The following MYO1D variants were observed in gnomAD, a reference collection of about 807,000 sequenced individuals.
The protein encoded by MYO1D is myosin ID.
MYO1D carries 83 observed loss-of-function variants against 122.0 expected under a neutral mutation model. The observed-to-expected ratio is 0.68, with a 90% CI of 0.57 to 0.82. MYO1D has a LOEUF of 0.82. MYO1D is among the 40% of genes least tolerant of loss of function. The pLI, the probability that MYO1D is intolerant of heterozygous loss-of-function variation, is 0.00. For synonymous variants in MYO1D, 464 were observed against 446.9 expected, an observed-to-expected ratio of 1.04 and a Z score of -0.48; for missense variants, 1,157 against 1,269.5, an observed-to-expected ratio of 0.91 and a Z score of 1.35.
intron 21 of MYO1D, among the ~76,000 whole-genome samples, chr17:32,511,855 C>T (rs1019048857): frequency 1.1e-4 from 17 of 152,266 alleles, no homozygotes; most frequent in African/African-American, 4.1e-4. Context: ...TTATTCAGCT[C>T]ACCATTATCA....
intron 16 of MYO1D, among the ~76,000 whole-genome samples, chr17:32,677,820 T>C (rs1256358315): frequency 6.6e-6 from 1 of 152,116 alleles, no homozygotes; most frequent in Non-Finnish European, 1.5e-5. Context: ...TAAACAGTTA[T>C]TTCTGTATGT....
At chr17:32,683,508 C>T (rs916511825) in intron 16 of MYO1D, among the ~76,000 whole-genome samples, 7 of 152,006 alleles carry the variant, frequency 4.6e-5, no homozygotes, top group African/African-American at 1.7e-4. Context: ...AATACCCTGC[C>T]GTGTGAGGTG....
At chr17:32,725,932 A>T (rs1401537890) in intron 14 of MYO1D, among the ~76,000 whole-genome samples, 1 of 152,266 alleles carries the variant, frequency 6.6e-6, no homozygotes, top group Non-Finnish European at 1.5e-5. Flanking sequence ...AATCCAGAAG[A>T]CAAAGGAACA....
intron 14 of MYO1D, among the ~76,000 whole-genome samples, chr17:32,729,806 C>A (rs2089616083): frequency 6.6e-6 from 1 of 152,054 alleles, no homozygotes; most frequent in Non-Finnish European, 1.5e-5. Flanking sequence ...AATAGCTAAA[C>A]CAGGGAGATA....
intron 21 of MYO1D, among the ~76,000 whole-genome samples, chr17:32,520,716 T>C (rs954528468): frequency 3.3e-5 from 5 of 152,236 alleles, no homozygotes; most frequent in African/African-American, 1.2e-4. Flanking sequence ...CTAGACATGA[T>C]GCTACGTCCA....
chr17:32,686,426 T>G (rs1189971089), intron 16 of MYO1D: 3 of 152,244 alleles, frequency 2.0e-5, no homozygotes, highest in African/African-American at 7.2e-5. Context: ...CCAGTGAAAC[T>G]GATTTCAAAC....
chr17:32,821,707 G>A (rs2090666981), intron 1 of MYO1D, among the ~76,000 whole-genome samples: 1 of 152,086 alleles, frequency 6.6e-6, no homozygotes, highest in South Asian at 2.1e-4. Flanking sequence ...TTTTTTCAGG[G>A]AAAAACTCCT....
intron 21 of MYO1D, among the ~76,000 whole-genome samples, chr17:32,507,232 C>T (rs1909530553): frequency 1.3e-5 from 2 of 149,364 alleles, no homozygotes; most frequent in South Asian, 4.2e-4. Flanking sequence ...GAGACCCTGT[C>T]TTTACAAAAA....
intron 21 of MYO1D, among the ~76,000 whole-genome samples, chr17:32,503,049 A>C (rs1025866721): frequency 1.3e-5 from 2 of 152,158 alleles, no homozygotes; most frequent in African/African-American, 4.8e-5. Context: ...CCTTTATCAA[A>C]TTACTTTCCT....
chr17:32,707,249 G>C (rs2089320844), intron 16 of MYO1D, among the ~76,000 whole-genome samples: 1 of 151,830 alleles, frequency 6.6e-6, no homozygotes, highest in African/African-American at 2.4e-5. Flanking sequence ...TCACAAGAGA[G>C]GCAATCCAAA....
rs530221767 is a variant in MYO1D at position 32,760,571 on chromosome 17, C to T, written c.1092G>A (p.Glu364=). The change falls in exon 9 of 22, where the codon GAG becomes GAA. Residue 364 remains glutamate, a synonymous_variant. Coordinates refer to ENST00000318217, the MANE Select transcript of MYO1D (RefSeq NM_015194.3). ...GGATTGTGGTGTCATAGTTCTTGAC[C>T]TCAATAATATCATTGATGCGAGTAA... ...WIVTRINDII[E]VKNYDTTIHG... is the part of the protein sequence containing the mutation. 34 of 1,613,452 alleles carry T rather than the reference C, an allele frequency of 2.1e-5. No homozygotes were observed. The highest frequency in any genetic ancestry group is 2.1e-4 in the South Asian group (19 of 91,014).
At chr17:32,686,964 A>AACACACACACACAC (rs57125657) in intron 16 of MYO1D, among the ~76,000 whole-genome samples, 87 of 145,524 alleles carry the variant, frequency 6.0e-4, no homozygotes, top group African/African-American at 2.1e-3. Flanking sequence ...CCTGTTTCAA[A>AACACACACACACAC]ACACACACAC....
At chr17:32,609,386 C>A (rs4795714) in intron 20 of MYO1D, among the ~76,000 whole-genome samples, 1 of 152,176 alleles carries the variant, frequency 6.6e-6, no homozygotes, top group African/African-American at 2.4e-5. Context: ...TAGGGACAGA[C>A]GTGCAGAAGA....
At chr17:32,525,940 A>G (rs897967903) in intron 21 of MYO1D, among the ~76,000 whole-genome samples, 2 of 151,810 alleles carry the variant, frequency 1.3e-5, no homozygotes, top group African/African-American at 4.8e-5. Context: ...ACCCTCATAC[A>G]CCTGTTTGCC....
chr17:32,851,295 C>G (rs760806690), intron 1 of MYO1D, among the ~76,000 whole-genome samples: 1 of 152,172 alleles, frequency 6.6e-6, no homozygotes, highest in Non-Finnish European at 1.5e-5. Context: ...TAATCCTGAC[C>G]ACCTTTTTTC....
rs193299638 is a variant in MYO1D, at chr17:32,839,965, G to A, written c.95+36813C>T. On this transcript the variant is annotated intron_variant, in intron 1 of 21. Transcript: ENST00000318217. The stretch of plus-strand genomic sequence containing the variant: ...CTTTCCAGGGCTGCCATTCAAAGCC[G>A]TCTCCTTTTAGAAAGAAAGAATATT... 1.2e-3 allele frequency among the ~76,000 whole-genome samples: 190 copies of A among 152,246 alleles called. 2 individuals carry two copies. The highest frequency in any genetic ancestry group is 4.2e-3 in the African/African-American group (173 of 41,536).
intron 20 of MYO1D, among the ~76,000 whole-genome samples, chr17:32,624,798 T>C (rs976378647): frequency 1.5e-4 from 22 of 151,692 alleles, no homozygotes; most frequent in Admixed American, 2.0e-4. Context: ...TTTTTTTTTT[T>C]TTCTTCTTTG....
chr17:32,508,782 C>T (rs539242963), intron 21 of MYO1D, among the ~76,000 whole-genome samples: 1 of 152,296 alleles, frequency 6.6e-6, no homozygotes, highest in Non-Finnish European at 1.5e-5. Flanking sequence ...AGGATTTGAA[C>T]CCAGGCAATC....
At position 32,563,708 on chromosome 17, in the gene MYO1D, C is replaced by T. The variant is rs140275481; in HGVS notation, c.2864+41379G>A. Among the ~76,000 whole-genome samples, 422 of 152,300 alleles carry T rather than the reference C, an allele frequency of 2.8e-3. 4 individuals are homozygous for T. Among genetic ancestry groups the T allele is most frequent in the African/African-American group, 9.8e-3 (406 of 41,560 alleles). ...AGTTCAACTTCATTTCAAATGGAGCCATCAACAGTACACTGAGTTCTACTT... is the reference window on the plus strand; with the variant it reads ...AGTTCAACTTCATTTCAAATGGAGCTATCAACAGTACACTGAGTTCTACTT... On this transcript the variant is annotated intron_variant, in intron 21 of 21. Transcript: ENST00000318217.
Sources: gnomAD v4.1 joint callset for allele counts (sites outside exome capture counted in the v4.1 genomes callset) on GRCh38, gnomAD v4.1.1 for gene constraint, MANE v1.5 for transcripts, NCBI Gene and HGNC (gene_info 2026-07-23, HGNC 2026-07-21) for gene names.